Variants in PPP4R3A observed in about 807,000 individuals in gnomAD.
The protein encoded by PPP4R3A is protein phosphatase 4 regulatory subunit 3A.
A neutral mutation model predicts 91.7 loss-of-function variants in PPP4R3A; 15 were observed. The observed-to-expected ratio is 0.16, with a 90% CI of 0.11 to 0.25. The LOEUF is 0.25. PPP4R3A is among the 10% of genes least tolerant of loss of function. The pLI, the probability that PPP4R3A is intolerant of heterozygous loss-of-function variation, is 1.00. For missense variants in PPP4R3A, 623 were observed against 998.4 expected (o/e 0.62, Z 5.07); for synonymous variants, 377 against 348.7 (o/e 1.08, Z -0.91).
At chr14:91,490,275 GA>G (rs1437282152) in intron 2 of PPP4R3A, among the ~76,000 whole-genome samples, 1 of 152,222 alleles carries the variant, frequency 6.6e-6, no homozygotes, top group Non-Finnish European at 1.5e-5. Context: ...ACTGTACTGT[GA>G]AGTACAGTTA....
chr14:91,458,706 G>C lies in PPP4R3A; in HGVS notation c.*53C>G. 2.5e-6 allele frequency: 4 copies of C among 1,613,276 alleles called. No individual in the cohort carries two copies. Among genetic ancestry groups the C allele is most frequent in the South Asian group, 1.1e-5 (1 of 90,950 alleles). ...TTGTTGTGGATTTTGTATGGGGGAG[G>C]GGTGGAGAACCAGTTTTTTTCAACA... is the stretch of plus-strand genomic sequence containing the variant. On this transcript the variant is annotated 3_prime_UTR_variant, in exon 15 of 15. Coordinates refer to ENST00000554943, the MANE Select transcript of PPP4R3A (RefSeq NM_001366432.2).
Position 91,509,830 on chromosome 14 carries a change from G to T in PPP4R3A, c.-183C>A. 5 of 1,180,902 alleles carry T rather than the reference G, an allele frequency of 4.2e-6. No homozygotes were observed. Among genetic ancestry groups the T allele is most frequent in the Non-Finnish European group, 5.2e-6 (5 of 958,118 alleles). The allele number at this position is 1,180,902 out of a possible 1,614,324, so 73.2% of individuals were successfully genotyped here. A position where few individuals can be genotyped will look rare whatever the true frequency, so the allele number is the denominator to read the frequency against. On this transcript the variant is annotated 5_prime_UTR_variant, in exon 1 of 15. Transcript: ENST00000554943. ...TGGCCCGCTCCAGGGACCGAGCTCT[G>T]GGCCGCCGCCTTTCCTCGCCTCCGG...
intron 1 of PPP4R3A, among the ~76,000 whole-genome samples, chr14:91,495,693 A>T (rs8003256): frequency 7.1e-6 from 1 of 141,234 alleles, no homozygotes; most frequent in Non-Finnish European, 1.6e-5. Flanking sequence ...AATACTGTTA[A>T]AAAAAAAACA....
intron 1 of PPP4R3A, among the ~76,000 whole-genome samples, chr14:91,504,766 G>A (rs1025467263): frequency 2.0e-5 from 3 of 152,092 alleles, no homozygotes; most frequent in African/African-American, 7.2e-5. Context: ...CAAGTTACTC[G>A]GTTTTGGAAG....
At chr14:91,473,614 C>T (rs1888983902) in intron 7 of PPP4R3A, among the ~76,000 whole-genome samples, 5 of 152,114 alleles carry the variant, frequency 3.3e-5, no homozygotes, top group Admixed American at 3.3e-4. Flanking sequence ...CTGAATAAAG[C>T]AAAAGCAAAG....
At chr14:91,487,259 A>AG (rs1368580406) in intron 2 of PPP4R3A, among the ~76,000 whole-genome samples, 2 of 150,130 alleles carry the variant, frequency 1.3e-5, no homozygotes, top group Non-Finnish European at 2.9e-5. Flanking sequence ...CAAAAAAAAA[A>AG]AAAAAAAAAA....
At chr14:91,477,143 C>T (rs1365879820) in intron 4 of PPP4R3A, among the ~76,000 whole-genome samples, 157 bp from the exon 5 acceptor site, 2 of 146,978 alleles carry the variant, frequency 1.4e-5, no homozygotes, top group African/African-American at 2.5e-5. Context: ...GGAAAAACCA[C>T]ACTATTAAAG....
intron 1 of PPP4R3A, among the ~76,000 whole-genome samples, chr14:91,507,420 A>ATG (rs1566660360): frequency 1.3e-5 from 1 of 79,790 alleles, no homozygotes; most frequent in Non-Finnish European, 2.2e-5. Flanking sequence ...ATACTATATA[A>ATG]TATATATACT....
At chr14:91,484,114 A>T (rs2140119370) in intron 3 of PPP4R3A, among the ~76,000 whole-genome samples, 1 of 152,344 alleles carries the variant, frequency 6.6e-6, no homozygotes, top group South Asian at 2.1e-4. Flanking sequence ...ATATGCTATA[A>T]ATATAATTGT....
chr14:91,475,749 T>G (rs1345393829), intron 7 of PPP4R3A, 62 bp downstream of exon 7: 12 of 1,452,842 alleles, frequency 8.3e-6, no homozygotes, highest in Non-Finnish European at 1.1e-5. Context: ...TAAAAGTGAA[T>G]AATAAAAACA....
At chr14:91,507,650 CG>C (rs1020165568) in intron 1 of PPP4R3A, among the ~76,000 whole-genome samples, 6 of 146,254 alleles carry the variant, frequency 4.1e-5, no homozygotes, top group Non-Finnish European at 8.9e-5. Context: ...AATATATACA[CG>C]GAAAAAAATT....
In PPP4R3A at chr14:91,462,782, C is replaced by T; in HGVS notation, c.1926G>A (p.Leu642=). Residue 642 remains leucine, a synonymous_variant, in exon 12 of 15, where the codon CTG becomes CTA. Coordinates refer to ENST00000554943, the MANE Select transcript of PPP4R3A (RefSeq NM_001366432.2). ...GCCTTTCTCTTTGTTGTTCAAATCT[C>T]AGTTTTAATCCTTTAAATGTCTGTA... The part of the protein sequence containing the change: ...DYVQTFKGLK[L]RFEQQRERQD... 6.2e-7 allele frequency: 1 copy of T among 1,613,490 alleles called. No homozygotes were observed.
chr14:91,465,736 C>T (rs1057171277), intron 10 of PPP4R3A, among the ~76,000 whole-genome samples: 6 of 152,116 alleles, frequency 3.9e-5, no homozygotes, highest in South Asian at 4.1e-4. Flanking sequence ...AATGAATGAA[C>T]CTATCACACT....
intron 2 of PPP4R3A, among the ~76,000 whole-genome samples, chr14:91,489,418 A>AG (rs1390040339): frequency 6.6e-6 from 1 of 152,206 alleles, no homozygotes; most frequent in African/African-American, 2.4e-5. Flanking sequence ...CTGATGCTTA[A>AG]GTCAGGGTAT....
At chr14:91,509,417 T>C (rs550989893) in intron 1 of PPP4R3A, 89 bp downstream of exon 1, 7 of 1,514,372 alleles carry the variant, frequency 4.6e-6, no homozygotes, top group East Asian at 2.5e-5. Flanking sequence ...TCTGTTCTCG[T>C]GGAGCGAGCG....
intron 1 of PPP4R3A, among the ~76,000 whole-genome samples, chr14:91,509,296 C>T (rs1302936382): frequency 6.6e-6 from 1 of 152,228 alleles, no homozygotes; most frequent in Non-Finnish European, 1.5e-5. Context: ...CAAAATGCCA[C>T]CAGGCACTCA....
intron 1 of PPP4R3A, among the ~76,000 whole-genome samples, chr14:91,499,591 G>C (rs769542938): frequency 7.2e-5 from 11 of 151,916 alleles, no homozygotes; most frequent in South Asian, 2.1e-4. Flanking sequence ...GAAAGGCCAA[G>C]GCGGGCGGAT....
intron 7 of PPP4R3A, among the ~76,000 whole-genome samples, chr14:91,474,041 T>C (rs1009348722): frequency 2.0e-5 from 3 of 152,234 alleles, no homozygotes; most frequent in Non-Finnish European, 4.4e-5. Flanking sequence ...AGTGCTGGGA[T>C]TACAGGCGTG....
At chr14:91,501,808 CA>C in intron 1 of PPP4R3A, among the ~76,000 whole-genome samples, 1 of 151,514 alleles carries the variant, frequency 6.6e-6, no homozygotes, top group South Asian at 2.1e-4. Context: ...AGGTTCACGC[CA>C]TTCTCCTGCC....
Sources: gnomAD v4.1 joint callset for allele counts (sites outside exome capture counted in the v4.1 genomes callset) on GRCh38, gnomAD v4.1.1 for gene constraint, MANE v1.5 for transcripts, NCBI Gene and HGNC (gene_info 2026-07-23, HGNC 2026-07-21) for gene names.